Variants in HIPK2 observed in about 807,000 individuals in gnomAD.
HIPK2 encodes the protein homeodomain interacting protein kinase 2.
HIPK2 carries 27 observed loss-of-function variants against 113.7 expected under a neutral mutation model. That is an observed-to-expected ratio of 0.24 (90% confidence interval 0.17 to 0.33). HIPK2 has a LOEUF of 0.33. HIPK2 is among the 10% of genes least tolerant of loss of function. The pLI, the probability that HIPK2 is intolerant of heterozygous loss-of-function variation, is 1.00. For synonymous variants in HIPK2, 631 were observed against 642.2 expected (o/e 0.98, Z 0.26); for missense variants, 1,257 against 1,588.0 (o/e 0.79, Z 3.54).
intron 6 of HIPK2, among the ~76,000 whole-genome samples, chr7:139,624,983 C>T (rs747855436): frequency 6.6e-6 from 1 of 152,218 alleles, no homozygotes; most frequent in Non-Finnish European, 1.5e-5. Context: ...CCTTCTTAAA[C>T]CACCCTCCAC....
intron 2 of HIPK2, among the ~76,000 whole-genome samples, chr7:139,687,302 T>C (rs1794254495): frequency 6.6e-6 from 1 of 151,958 alleles, no homozygotes; most frequent in South Asian, 2.1e-4. Flanking sequence ...TGATATAGCA[T>C]ACAAATGAGG....
intron 1 of HIPK2, among the ~76,000 whole-genome samples, chr7:139,776,753 T>C (rs1035444678): frequency 6.6e-6 from 1 of 152,264 alleles, no homozygotes; most frequent in African/African-American, 2.4e-5. Context: ...CAAAAACACA[T>C]CGAAGTGTAA....
intron 1 of HIPK2, chr7:139,722,025 C>G (rs775980382): frequency 1.7e-5 from 8 of 474,152 alleles, no homozygotes; most frequent in Non-Finnish European, 3.0e-5. Flanking sequence ...ACCACTCTGT[C>G]TCATAAACAG....
chr7:139,699,062 G>T (rs1032782033), intron 2 of HIPK2, among the ~76,000 whole-genome samples: 5 of 152,092 alleles, frequency 3.3e-5, no homozygotes, highest in African/African-American at 1.2e-4. Context: ...CACCACAGCT[G>T]CCACGATCCG....
At chr7:139,689,339 A>C (rs963401051) in intron 2 of HIPK2, among the ~76,000 whole-genome samples, 3 of 152,194 alleles carry the variant, frequency 2.0e-5, no homozygotes, top group African/African-American at 4.8e-5. Context: ...GGAACCTTGA[A>C]GTTCTCAGGA....
chr7:139,739,096 C>T (rs1383366509), intron 1 of HIPK2, among the ~76,000 whole-genome samples: 9 of 152,274 alleles, frequency 5.9e-5, no homozygotes, highest in African/African-American at 2.2e-4. Context: ...AGGTAAGTTT[C>T]GGGCAAGTTT....
chr7:139,607,518 T>C (rs1267290004), intron 9 of HIPK2, among the ~76,000 whole-genome samples: 3 of 152,116 alleles, frequency 2.0e-5, no homozygotes, highest in Non-Finnish European at 4.4e-5. Flanking sequence ...AAACCTTTTA[T>C]AGCTCTGGAA....
intron 1 of HIPK2, among the ~76,000 whole-genome samples, chr7:139,737,963 G>A (rs757765817): frequency 3.9e-5 from 6 of 152,192 alleles, no homozygotes; most frequent in Non-Finnish European, 8.8e-5. Context: ...CTGAGCTAAG[G>A]AAATTCAACC....
chr7:139,607,212 G>GA (rs561757440), intron 9 of HIPK2, among the ~76,000 whole-genome samples: 1 of 150,872 alleles, frequency 6.6e-6, no homozygotes. Context: ...AAATAGAGGG[G>GA]AAAAAAAGAT....
intron 1 of HIPK2, among the ~76,000 whole-genome samples, chr7:139,759,747 C>G (rs1452582187): frequency 2.0e-5 from 3 of 151,990 alleles, no homozygotes; most frequent in Non-Finnish European, 4.4e-5. Flanking sequence ...ACTAGAACCT[C>G]TAAAAATGAA....
At chr7:139,623,239 G>A (rs534068807) in intron 6 of HIPK2, among the ~76,000 whole-genome samples, 4 of 152,234 alleles carry the variant, frequency 2.6e-5, no homozygotes, top group Non-Finnish European at 4.4e-5. Flanking sequence ...GGCCAGGCAC[G>A]GTGGCTCACG....
intron 2 of HIPK2, among the ~76,000 whole-genome samples, chr7:139,656,359 T>G (rs193232200): frequency 2.0e-5 from 3 of 152,320 alleles, no homozygotes; most frequent in Admixed American, 2.0e-4. Flanking sequence ...TTTTTTCATC[T>G]CCAAAATTAG....
chr7:139,708,684 G>T (rs1794979352), intron 2 of HIPK2, among the ~76,000 whole-genome samples: 1 of 152,210 alleles, frequency 6.6e-6, no homozygotes, highest in Non-Finnish European at 1.5e-5. Flanking sequence ...GGACACTGGG[G>T]TATTTTCATG....
At chr7:139,617,935 T>A (rs1800113191) in intron 7 of HIPK2, among the ~76,000 whole-genome samples, 1 of 152,186 alleles carries the variant, frequency 6.6e-6, no homozygotes, top group African/African-American at 2.4e-5. Context: ...AGAAGTCTTG[T>A]TGGATTTAAA....
At chr7:139,713,627 A>T (rs1165995290) in intron 2 of HIPK2, among the ~76,000 whole-genome samples, 1 of 152,220 alleles carries the variant, frequency 6.6e-6, no homozygotes, top group Non-Finnish European at 1.5e-5. Context: ...CTTTCAGTGA[A>T]TGTTAATAAC....
chr7:139,672,297 G>A (rs148019911), intron 2 of HIPK2, among the ~76,000 whole-genome samples: 28 of 152,296 alleles, frequency 1.8e-4, no homozygotes, highest in Middle Eastern at 3.4e-3. Context: ...ATTTATGTAA[G>A]TTGGCATGAA....
chr7:139,661,238 T>C (rs1204898880), intron 2 of HIPK2, among the ~76,000 whole-genome samples: 1 of 152,156 alleles, frequency 6.6e-6, no homozygotes, highest in Admixed American at 6.5e-5. Flanking sequence ...CTTAACACAC[T>C]AGAAACCCTG....
In HIPK2 at chr7:139,604,152, G is replaced by C; in HGVS notation, c.2184C>G (p.Thr728=). Reference sequence around the variant, plus strand: ...CGGTGGCATGCTGCACTGATGTGTGGGTGGCCACTCCAGTCAGTTGCTGCC... The same window carrying C: ...CGGTGGCATGCTGCACTGATGTGTGCGTGGCCACTCCAGTCAGTTGCTGCC... The part of the protein sequence containing the change: ...PAWQQLTGVA[T]HTSVQHATVI... The change falls in exon 10 of 15, where the codon ACC becomes ACG. Residue 728 remains threonine, a synonymous_variant. Coordinates refer to ENST00000406875, the MANE Select transcript of HIPK2 (RefSeq NM_022740.5). 6.2e-7 allele frequency: 1 copy of C among 1,613,932 alleles called. No individual in the cohort carries two copies. Among genetic ancestry groups the C allele is most frequent in the Non-Finnish European group, 8.5e-7 (1 of 1,179,876 alleles).
chr7:139,718,236 G>T (rs1364822278), intron 1 of HIPK2, among the ~76,000 whole-genome samples: 1 of 152,178 alleles, frequency 6.6e-6, no homozygotes, highest in Non-Finnish European at 1.5e-5. Flanking sequence ...AACAAACATT[G>T]CCCATCTTCT....
Sources: gnomAD v4.1 joint callset for allele counts (sites outside exome capture counted in the v4.1 genomes callset) on GRCh38, gnomAD v4.1.1 for gene constraint, MANE v1.5 for transcripts, NCBI Gene and HGNC (gene_info 2026-07-23, HGNC 2026-07-21) for gene names.